The following SAMD5 variants were observed in gnomAD, a reference collection of about 807,000 sequenced individuals.
SAMD5 encodes sterile alpha motif domain-containing protein 5.
Under a neutral mutation model 11.3 loss-of-function variants are expected in SAMD5, and 13 were observed. That is an observed-to-expected ratio of 1.15 (90% CI 0.75 to 1.83). The LOEUF (loss-of-function observed/expected upper bound fraction) is 1.83. Among genes scored for constraint, SAMD5 ranks in the 40% most tolerant of loss-of-function variants. SAMD5 has a pLI of 0.00. For missense variants in SAMD5, 255 were observed against 239.1 expected, an observed-to-expected ratio of 1.07 and a Z score of -0.44; for synonymous variants, 129 against 111.3, an observed-to-expected ratio of 1.16 and a Z score of -1.00.
chr6:147,921,725 C>A, the SAMD5 span, among the ~76,000 whole-genome samples: 1 of 152,160 alleles, frequency 6.6e-6, no homozygotes, highest in East Asian at 1.9e-4. Context: ...ACCCAGCTGA[C>A]ATTTCTTAAG....
the SAMD5 span, among the ~76,000 whole-genome samples, chr6:147,943,807 C>G: frequency 6.6e-6 from 1 of 152,146 alleles, no homozygotes; most frequent in Non-Finnish European, 1.5e-5. Context: ...GCACCCCAAC[C>G]AAACCTCCTT....
At chr6:147,918,723 A>G in the SAMD5 span, among the ~76,000 whole-genome samples, 2 of 127,668 alleles carry the variant, frequency 1.6e-5, no homozygotes, top group East Asian at 4.6e-4. Context: ...TTTGAGACAG[A>G]GTCTCGCTCT....
At chr6:147,867,530 G>T in the SAMD5 span, among the ~76,000 whole-genome samples, 2 of 151,746 alleles carry the variant, frequency 1.3e-5, no homozygotes, top group African/African-American at 2.4e-5. Flanking sequence ...TTTTTGAAAA[G>T]AAAAAAAATT....
At chr6:147,703,771 G>C (rs1476887465) in intron 1 of SAMD5, among the ~76,000 whole-genome samples, 1 of 152,086 alleles carries the variant, frequency 6.6e-6, no homozygotes, top group African/African-American at 2.4e-5. Flanking sequence ...ATCATGATGA[G>C]GTTGAAGTAG....
At chr6:147,761,533 T>A in the SAMD5 span, among the ~76,000 whole-genome samples, 1 of 152,098 alleles carries the variant, frequency 6.6e-6, no homozygotes, top group African/African-American at 2.4e-5. Flanking sequence ...AAGTTAATTA[T>A]AATGTAATTA....
chr6:147,589,113 C>T (rs1279267736), intron 1 of SAMD5, among the ~76,000 whole-genome samples: 1 of 152,004 alleles, frequency 6.6e-6, no homozygotes, highest in East Asian at 1.9e-4. Context: ...TACCACCATA[C>T]CCAGCCAATT....
chr6:147,532,824 C>A (rs1562314169), intron 1 of SAMD5, among the ~76,000 whole-genome samples: 2 of 152,134 alleles, frequency 1.3e-5, no homozygotes, highest in Admixed American at 1.3e-4. Context: ...CGGTTTATAA[C>A]ATAGTTATAA....
At chr6:147,798,943 A>G in the SAMD5 span, among the ~76,000 whole-genome samples, 1 of 151,786 alleles carries the variant, frequency 6.6e-6, no homozygotes, top group African/African-American at 2.4e-5. Context: ...CCATCCTTTT[A>G]TTTTGAGCCT....
chr6:147,745,091 ATTC>A, the SAMD5 span, among the ~76,000 whole-genome samples: 1 of 152,246 alleles, frequency 6.6e-6, no homozygotes, highest in East Asian at 1.9e-4. Flanking sequence ...TGATAATAGT[ATTC>A]TTGTGATTTT....
chr6:147,802,793 G>A, the SAMD5 span, among the ~76,000 whole-genome samples: 12 of 152,148 alleles, frequency 7.9e-5, no homozygotes, highest in East Asian at 7.7e-4. Context: ...AGATACAAGC[G>A]TATAGACCAT....
intron 1 of SAMD5, among the ~76,000 whole-genome samples, chr6:147,691,567 G>T (rs1037781721): frequency 5.3e-5 from 8 of 152,104 alleles, no homozygotes; most frequent in African/African-American, 1.7e-4. Flanking sequence ...TAATGTAGCA[G>T]CTTGGGAAGC....
At chr6:147,912,349 T>C in the SAMD5 span, among the ~76,000 whole-genome samples, 2 of 152,116 alleles carry the variant, frequency 1.3e-5, no homozygotes, top group Admixed American at 6.6e-5. Context: ...GGAAGATATG[T>C]TAAATATCCA....
chr6:147,586,570 G>A (rs1387190893), intron 1 of SAMD5, among the ~76,000 whole-genome samples: 2 of 151,782 alleles, frequency 1.3e-5, no homozygotes, highest in Non-Finnish European at 2.9e-5. Flanking sequence ...CGTTACCACG[G>A]TTTTTCTTTA....
At chr6:147,806,341 G>T in the SAMD5 span, among the ~76,000 whole-genome samples, 1 of 151,914 alleles carries the variant, frequency 6.6e-6, no homozygotes, top group African/African-American at 2.4e-5. Context: ...CACTCATTGT[G>T]ATGCATTTGC....
the SAMD5 span, among the ~76,000 whole-genome samples, chr6:147,825,136 A>G: frequency 6.6e-6 from 1 of 152,044 alleles, no homozygotes; most frequent in Non-Finnish European, 1.5e-5. Context: ...GTCTCTACTA[A>G]AAATACAAAA....
chr6:147,816,008 G>A, the SAMD5 span, among the ~76,000 whole-genome samples: 18 of 151,904 alleles, frequency 1.2e-4, no homozygotes, highest in South Asian at 2.1e-4. Context: ...GGCTGGGCAC[G>A]GTGGCTCACG....
At chr6:147,666,243 T>A (rs1243669620) in intron 1 of SAMD5, among the ~76,000 whole-genome samples, 1 of 152,260 alleles carries the variant, frequency 6.6e-6, no homozygotes, top group Non-Finnish European at 1.5e-5. Context: ...GGCCGTTTTT[T>A]AAAATTTTTA....
chr6:147,873,719 A>C, the SAMD5 span, among the ~76,000 whole-genome samples: 40 of 152,290 alleles, frequency 2.6e-4, no homozygotes, highest in Admixed American at 2.4e-3. Flanking sequence ...AGTTAAAATA[A>C]TGACTTATTA....
chr6:147,755,217 G>A, the SAMD5 span, among the ~76,000 whole-genome samples: 1 of 151,646 alleles, frequency 6.6e-6, no homozygotes, highest in Non-Finnish European at 1.5e-5. Flanking sequence ...ATTTTTTGGT[G>A]TTCTCTTCAA....
Sources: allele counts gnomAD v4.1 joint callset (sites outside exome capture counted in the v4.1 genomes callset), GRCh38; gene constraint gnomAD v4.1.1; transcripts MANE v1.5; gene names NCBI Gene and HGNC (gene_info 2026-07-23, HGNC 2026-07-21).